Variants in CDH3 observed in about 807,000 individuals in gnomAD.
The protein encoded by CDH3 is cadherin-3.
CDH3 carries 54 observed loss-of-function variants against 82.0 expected under a neutral mutation model. The ratio of observed to expected loss-of-function variants is 0.66; its 90% CI spans 0.53 to 0.83. CDH3 has a LOEUF of 0.83. Among genes scored for constraint, CDH3 ranks in the 40% least tolerant of loss-of-function variants. CDH3 has a pLI of 0.00. For synonymous variants in CDH3, 446 were observed against 437.9 expected, an observed-to-expected ratio of 1.02 and a Z score of -0.23; for missense variants, 1,054 against 1,084.6, an observed-to-expected ratio of 0.97 and a Z score of 0.40.
In CDH3 at chr16:68,645,755, G is replaced by A; in HGVS notation, c.160+5G>A. 6.5e-7 allele frequency: 1 copy of A among 1,540,924 alleles called. No homozygotes were observed. The highest frequency in any genetic ancestry group is 8.7e-7 in the Non-Finnish European group (1 of 1,144,028). ...CCGGCCAGGCGCTGGGGAAAGGTAA[G>A]ATCCTCAGGGTGGAACCGCAGGGTA... On this transcript the variant is annotated splice_donor_5th_base_variant and intron_variant, in intron 2 of 15. Coordinates refer to ENST00000264012, the MANE Select transcript of CDH3 (RefSeq NM_001793.6).
In CDH3 at chr16:68,653,479, C is replaced by T. The variant is rs1308733443; in HGVS notation, c.160+7729C>T. ...CTCAAACTCCCGACCTCAGGTGATC[C>T]GCCTACCTCGGCCTCCCAAAGTGCT... On this transcript the variant is annotated intron_variant, in intron 2 of 15. Coordinates refer to ENST00000264012, the MANE Select transcript of CDH3 (RefSeq NM_001793.6). Among the ~76,000 whole-genome samples, 5 of 152,098 alleles carry T rather than the reference C, an allele frequency of 3.3e-5. 1 individual carries two copies. In the South Asian group the frequency reaches 6.2e-4, roughly 19 times the overall value.
chr16:68,698,026 TG>T, intron 15 of CDH3, 164 bp from the exon 16 acceptor site: 1 of 724,776 alleles, frequency 1.4e-6, no homozygotes, highest in Non-Finnish European at 2.5e-6. Context: ...TGCTGTCTGC[TG>T]GTCCCTGAGT....
downstream of CDH3, among the ~76,000 whole-genome samples, chr16:68,727,690 C>A (rs1039726800): frequency 2.0e-5 from 3 of 152,048 alleles, no homozygotes; most frequent in African/African-American, 7.2e-5. Context: ...GGGTAGATCA[C>A]CTGAGGTCAG....
chr16:68,685,828 T>C (rs1025576851), intron 11 of CDH3, among the ~76,000 whole-genome samples: 1 of 152,074 alleles, frequency 6.6e-6, no homozygotes, highest in Non-Finnish European at 1.5e-5. Flanking sequence ...AACAAAAGAC[T>C]GATCCTAGGG....
chr16:68,723,283 T>C (rs1454122520), intron 2 of CDH3, among the ~76,000 whole-genome samples: 1 of 152,152 alleles, frequency 6.6e-6, no homozygotes, highest in Non-Finnish European at 1.5e-5. Flanking sequence ...TATATATTAT[T>C]CATAACATTT....
intron 12 of CDH3, among the ~76,000 whole-genome samples, chr16:68,690,570 G>A (rs930337460): frequency 6.6e-6 from 1 of 150,896 alleles, no homozygotes; most frequent in Non-Finnish European, 1.5e-5. Flanking sequence ...CTGAGATCGC[G>A]CCACTGTACT....
At chr16:68,697,928 C>G (rs1961780145) in intron 15 of CDH3, among the ~76,000 whole-genome samples, 1 of 152,194 alleles carries the variant, frequency 6.6e-6, no homozygotes, top group African/African-American at 2.4e-5. Flanking sequence ...CCCAAGGCCA[C>G]AAAGCTAGTG....
chr16:68,718,766 T>G (rs186371391), intron 1 of CDH3, among the ~76,000 whole-genome samples: 202 of 152,312 alleles, frequency 1.3e-3, no homozygotes, highest in African/African-American at 4.5e-3. Flanking sequence ...TTAGTAACTC[T>G]GCTCCTAGGT....
At chr16:68,730,545 CA>C (rs923277709), downstream of CDH3, among the ~76,000 whole-genome samples, 1 of 151,676 alleles carries the variant, frequency 6.6e-6, no homozygotes, top group African/African-American at 2.4e-5. Flanking sequence ...AACAAACAAA[CA>C]AAAAAAATTG....
intron 2 of CDH3, among the ~76,000 whole-genome samples, chr16:68,725,531 C>T (rs1202503436): frequency 6.6e-6 from 1 of 151,908 alleles, no homozygotes; most frequent in Non-Finnish European, 1.5e-5. Context: ...GACGGGGTTT[C>T]ACCATGTTAG....
intron 2 of CDH3, among the ~76,000 whole-genome samples, chr16:68,653,212 A>G (rs1468408817): frequency 1.3e-5 from 2 of 150,980 alleles, no homozygotes; most frequent in Admixed American, 1.3e-4. Context: ...GCAAGTTTTT[A>G]TTTTTTAATT....
chr16:68,680,762 T>A (rs1015734082), intron 7 of CDH3, among the ~76,000 whole-genome samples: 14 of 152,172 alleles, frequency 9.2e-5, no homozygotes, highest in African/African-American at 3.4e-4. Flanking sequence ...CCAGGAGAAC[T>A]ATTTGGATCA....
At chr16:68,678,981 G>A in intron 6 of CDH3, 75 bp downstream of exon 6, 1 of 1,476,850 alleles carries the variant, frequency 6.8e-7, no homozygotes, top group South Asian at 1.1e-5. Flanking sequence ...CACCATACCT[G>A]ATTTCCTTGG....
At chr16:68,660,949 A>C (rs1393011833) in intron 2 of CDH3, among the ~76,000 whole-genome samples, 1 of 150,094 alleles carries the variant, frequency 6.7e-6, no homozygotes, top group East Asian at 2.0e-4. Context: ...CCTGGGCAAC[A>C]GAGCAAGACT....
intron 1 of CDH3, among the ~76,000 whole-genome samples, chr16:68,722,037 C>T (rs146027787): frequency 1.2e-3 from 182 of 152,150 alleles, no homozygotes; most frequent in Non-Finnish European, 1.8e-3. Context: ...TGCAGTGAGC[C>T]GAGATGGCAC....
At chr16:68,680,808 T>C (rs1961199394) in intron 7 of CDH3, among the ~76,000 whole-genome samples, 160 bp from the exon 8 acceptor site, 1 of 152,134 alleles carries the variant, frequency 6.6e-6, no homozygotes, top group South Asian at 2.1e-4. Context: ...CTGCTTCTGT[T>C]CTCCTGGCAG....
rs1272738221 is a variant in CDH3, at chr16:68,695,374, G to A, written c.2122G>A (p.Glu708Lys). 8.1e-6 allele frequency: 13 copies of A among 1,611,470 alleles called. No individual in the cohort carries two copies. The highest frequency in any genetic ancestry group is 1.7e-5 in the Admixed American group (1 of 59,432). The change falls in exon 14 of 16, where the codon GAA becomes AAA. Residue 708 changes from glutamate to lysine, a missense_variant. Physicochemically the swap from Glu to Lys is moderately conservative, Grantham distance 56. Transcript: ENST00000264012. ...VFYYGEEGGG[E>K]EDQDYDITQL... is the part of the protein sequence containing the mutation. Reference sequence around the variant, plus strand: ...CTACTATGGCGAAGAGGGGGGTGGCGAAGAGGACCAGGTGGGGCACTGGGG... The same window carrying A: ...CTACTATGGCGAAGAGGGGGGTGGCAAAGAGGACCAGGTGGGGCACTGGGG...
At chr16:68,722,915 C>T (rs1320181141) in intron 2 of CDH3, among the ~76,000 whole-genome samples, 2 of 151,962 alleles carry the variant, frequency 1.3e-5, no homozygotes, top group Non-Finnish European at 2.9e-5. Flanking sequence ...TGCCTCAGCT[C>T]CCTGAGTAGC....
intron 1 of CDH3, among the ~76,000 whole-genome samples, chr16:68,710,874 G>GGA (rs1036962222): frequency 1.6e-4 from 23 of 144,916 alleles, no homozygotes; most frequent in South Asian, 4.6e-4. Flanking sequence ...AGAGAAAAAG[G>GGA]GAGAGAGAGA....
Sources: gnomAD v4.1 joint callset for allele counts (sites outside exome capture counted in the v4.1 genomes callset) on GRCh38, gnomAD v4.1.1 for gene constraint, MANE v1.5 for transcripts, NCBI Gene and HGNC (gene_info 2026-07-23, HGNC 2026-07-21) for gene names.